The following SRPK2 variants were observed in gnomAD, a reference collection of about 807,000 sequenced individuals.
SRPK2 encodes SRSF protein kinase 2, also known as SFRS protein kinase 2.
In SRPK2, 21 loss-of-function variants were observed where a neutral mutation model predicts 90.8. The ratio of observed to expected loss-of-function variants is 0.23; its 90% CI spans 0.16 to 0.33. The LOEUF (loss-of-function observed/expected upper bound fraction) is 0.33. SRPK2 is among the 10% of genes least tolerant of loss of function. The probability of loss-of-function intolerance (pLI) is 1.00; values close to 1 mark genes in which losing one functional copy is unlikely to be tolerated. For synonymous variants in SRPK2, 288 were observed against 311.1 expected (o/e 0.93, Z 0.78); for missense variants, 620 against 869.0 (o/e 0.71, Z 3.60).
chr7:105,380,521 A>T (rs1035970116), intron 2 of SRPK2, among the ~76,000 whole-genome samples: 3 of 107,306 alleles, frequency 2.8e-5, no homozygotes, highest in East Asian at 4.8e-4. Flanking sequence ...ACATGCTAAA[A>T]TTTTTTTTTT....
chr7:105,191,210 T>C (rs1794234733), intron 3 of SRPK2, among the ~76,000 whole-genome samples: 1 of 152,106 alleles, frequency 6.6e-6, no homozygotes, highest in Non-Finnish European at 1.5e-5. Flanking sequence ...AGCCAAACGA[T>C]ATCCAATGCA....
At chr7:105,160,721 C>A in intron 6 of SRPK2, 108 bp from the exon 7 acceptor site, 1 of 604,096 alleles carries the variant, frequency 1.7e-6, no homozygotes, top group South Asian at 2.2e-5. Context: ...TTATAAAATA[C>A]AACATCAACC....
upstream of SRPK2, chr7:105,389,305 C>T: frequency 7.8e-7 from 1 of 1,280,210 alleles, no homozygotes; most frequent in Non-Finnish European, 1.0e-6. Flanking sequence ...CTCCGCGGGT[C>T]TCGCACCACC....
intron 2 of SRPK2, among the ~76,000 whole-genome samples, chr7:105,307,026 C>CA (rs1278787737): frequency 2.0e-5 from 3 of 152,124 alleles, no homozygotes; most frequent in African/African-American, 7.2e-5. Context: ...CAGGCAGGTG[C>CA]AGCTAAACAT....
intron 3 of SRPK2, among the ~76,000 whole-genome samples, chr7:105,172,230 A>T (rs530770507): frequency 6.6e-6 from 1 of 152,338 alleles, no homozygotes; most frequent in Admixed American, 6.5e-5. Flanking sequence ...ATTAACATTC[A>T]AAGCAGGAAA....
At chr7:105,201,664 G>A (rs1271480968) in intron 3 of SRPK2, among the ~76,000 whole-genome samples, 1 of 151,310 alleles carries the variant, frequency 6.6e-6, no homozygotes, top group Non-Finnish European at 1.5e-5. Flanking sequence ...TCATTAACCA[G>A]GGGTGGTGAC....
chr7:105,336,334 C>T (rs1815088830), intron 2 of SRPK2, among the ~76,000 whole-genome samples: 1 of 152,144 alleles, frequency 6.6e-6, no homozygotes, highest in South Asian at 2.1e-4. Flanking sequence ...TTGACAGTAT[C>T]TTCACTCAAA....
At chr7:105,323,292 C>A (rs1172878113) in intron 2 of SRPK2, among the ~76,000 whole-genome samples, 1 of 152,138 alleles carries the variant, frequency 6.6e-6, no homozygotes, top group Admixed American at 6.5e-5. Flanking sequence ...AAAGTATACA[C>A]TAAAACTTCC....
At chr7:105,159,466 A>AC (rs1554428673) in intron 7 of SRPK2, among the ~76,000 whole-genome samples, 3 of 114,310 alleles carry the variant, frequency 2.6e-5, no homozygotes, top group Non-Finnish European at 3.7e-5. Flanking sequence ...AAAAAAAAAA[A>AC]AAAAAAACCG....
rs183133117 is a variant in SRPK2, at chr7:105,356,186, T to C, written c.71+32462A>G. Among the ~76,000 whole-genome samples the C allele has an allele frequency of 1.9e-3, 294 of 152,292 alleles. 4 individuals carry two copies. Among genetic ancestry groups the C allele is most frequent in the African/African-American group, 6.7e-3 (279 of 41,562 alleles). ...ATACCTCTATTTCACATCCTCTCCA[T>C]TGAAGCTTATAGGAGAAAGCAAGAG... is the stretch of plus-strand genomic sequence containing the variant. On this transcript the variant is annotated intron_variant, in intron 2 of 15. Transcript: ENST00000393651.
intron 7 of SRPK2, among the ~76,000 whole-genome samples, chr7:105,149,384 A>G (rs141380212): frequency 0.02 from 3,012 of 152,140 alleles, 51 homozygotes; most frequent in South Asian, 0.061. Flanking sequence ...TAATTATGAC[A>G]TAGATTCTAT....
intron 2 of SRPK2, chr7:105,269,014 G>A (rs1805474428): frequency 1.5e-6 from 2 of 1,348,738 alleles, no homozygotes; most frequent in Non-Finnish European, 1.9e-6. Context: ...GGGATTCAAT[G>A]GTGCTATAAA....
intron 2 of SRPK2, among the ~76,000 whole-genome samples, chr7:105,365,821 A>T (rs1184297698): frequency 2.0e-5 from 3 of 151,326 alleles, no homozygotes; most frequent in African/African-American, 7.3e-5. Context: ...AACAGAAACT[A>T]TTCAGGCAGA....
At chr7:105,232,421 T>C (rs1445614046) in intron 2 of SRPK2, among the ~76,000 whole-genome samples, 1 of 146,102 alleles carries the variant, frequency 6.8e-6, no homozygotes, top group African/African-American at 2.6e-5. Context: ...ATCGCGCCAT[T>C]GCACTCCAGC....
chr7:105,365,778 C>A (rs1818975605), intron 2 of SRPK2, among the ~76,000 whole-genome samples: 1 of 151,384 alleles, frequency 6.6e-6, no homozygotes, highest in Non-Finnish European at 1.5e-5. Context: ...CCTGGGAGAA[C>A]AAAACTCTAT....
chr7:105,205,594 T>C (rs1443178151), intron 2 of SRPK2, among the ~76,000 whole-genome samples: 1 of 143,166 alleles, frequency 7.0e-6, no homozygotes, highest in East Asian at 2.2e-4. Flanking sequence ...CATTCAAAAC[T>C]TCCAACAGGC....
chr7:105,265,970 C>T (rs886506238), intron 2 of SRPK2, among the ~76,000 whole-genome samples: 6 of 151,904 alleles, frequency 3.9e-5, no homozygotes, highest in Non-Finnish European at 7.4e-5. Flanking sequence ...AATAAACTAA[C>T]GTTTTGTAAC....
intron 7 of SRPK2, among the ~76,000 whole-genome samples, chr7:105,148,894 A>C (rs911770964): frequency 7.2e-5 from 11 of 152,202 alleles, no homozygotes; most frequent in African/African-American, 2.4e-4. Context: ...AATGTTTACA[A>C]GCAGTATACT....
rs1810626273 is a variant in SRPK2, at chr7:105,302,150, C to T, written c.71+86498G>A. On this transcript the variant is annotated intron_variant, in intron 2 of 15. Coordinates refer to ENST00000393651, the MANE Select transcript of SRPK2 (RefSeq NM_182692.3). ...AAGTAAAACTGGGTTCAAAATCTTT[C>T]ATTACCATTTTCTGGTATTGAGGTG... 8 of 1,153,588 alleles carry T rather than the reference C, an allele frequency of 6.9e-6. No individual in the cohort carries two copies. The South Asian group carries it at 1.0e-4, about 14-fold the overall frequency. The allele number at this position is 1,153,588 out of a possible 1,614,324, so 71.5% of individuals were successfully genotyped here. A position where few individuals can be genotyped will look rare whatever the true frequency, so the allele number is the denominator to read the frequency against.
Sources: gnomAD v4.1 joint callset for allele counts (sites outside exome capture counted in the v4.1 genomes callset) on GRCh38, gnomAD v4.1.1 for gene constraint, MANE v1.5 for transcripts, NCBI Gene and HGNC (gene_info 2026-07-23, HGNC 2026-07-21) for gene names.